PDE4B: variants seen among roughly 807,000 people sequenced by gnomAD.
The protein encoded by PDE4B is 3',5'-cyclic-AMP phosphodiesterase 4B.
PDE4B carries 20 observed loss-of-function variants against 82.2 expected under a neutral mutation model. That is an observed-to-expected ratio of 0.24 (90% confidence interval 0.17 to 0.35). PDE4B has a LOEUF of 0.35. Among genes scored for constraint, PDE4B ranks in the 10% least tolerant of loss-of-function variants. The probability of loss-of-function intolerance (pLI) is 1.00; values close to 1 mark genes in which losing one functional copy is unlikely to be tolerated. For synonymous variants in PDE4B, 320 were observed against 318.9 expected (o/e 1.00, Z -0.04); for missense variants, 655 against 907.2 (o/e 0.72, Z 3.57).
chr1:65,862,383 A>C (rs1646463901), intron 1 of PDE4B, among the ~76,000 whole-genome samples: 1 of 152,222 alleles, frequency 6.6e-6, no homozygotes, highest in Non-Finnish European at 1.5e-5. Context: ...CCAGCCTTGC[A>C]TCCTAGGGAT....
Position 65,968,821 on chromosome 1 carries a change from A to G in PDE4B, c.281+49986A>G, listed in dbSNP as rs151149504. 8.1e-4 allele frequency among the ~76,000 whole-genome samples: 123 copies of G among 152,276 alleles called. 1 individual carries two copies. Among genetic ancestry groups the G allele is most frequent in the African/African-American group, 2.6e-3 (110 of 41,568 alleles). ...CAGAGTAAACTGACCGTTTGAAGGA[A>G]TGCTTCATATAGTGAGTCATATTGT... is the stretch of plus-strand genomic sequence containing the variant. On this transcript the variant is annotated intron_variant, in intron 3 of 16. Coordinates refer to ENST00000341517, the MANE Select transcript of PDE4B (RefSeq NM_002600.4).
intron 3 of PDE4B, among the ~76,000 whole-genome samples, chr1:66,129,608 C>G (rs1298545729): frequency 6.9e-6 from 1 of 145,450 alleles, no homozygotes; most frequent in Non-Finnish European, 1.5e-5. Context: ...TGCAGTGAGC[C>G]GAGATCCCGC....
chr1:66,204,617 G>A (rs1245040362), intron 3 of PDE4B, among the ~76,000 whole-genome samples: 1 of 152,208 alleles, frequency 6.6e-6, no homozygotes, highest in Non-Finnish European at 1.5e-5. Context: ...AGCAATCAAC[G>A]AGACTCCATG....
chr1:65,943,880 A>G (rs1648569675), intron 3 of PDE4B, among the ~76,000 whole-genome samples: 6 of 151,944 alleles, frequency 3.9e-5, no homozygotes, highest in Admixed American at 3.9e-4. Context: ...AGTTCTAATA[A>G]TTTTTTGTGG....
At chr1:66,157,098 C>G (rs765080219) in intron 3 of PDE4B, among the ~76,000 whole-genome samples, 23 of 152,270 alleles carry the variant, frequency 1.5e-4, no homozygotes, top group Non-Finnish European at 2.6e-4. Context: ...CCTGGAGGAC[C>G]CTGCTGTAAT....
intron 3 of PDE4B, among the ~76,000 whole-genome samples, chr1:65,922,661 C>T (rs1464900065): frequency 6.6e-6 from 1 of 152,070 alleles, no homozygotes; most frequent in African/African-American, 2.4e-5. Context: ...TGTAGAAATC[C>T]TACTCACGTG....
chr1:66,015,789 C>T lies in PDE4B; in HGVS notation c.281+96954C>T, dbSNP rs562923348. Among the ~76,000 whole-genome samples, 151 of 149,714 alleles carry T rather than the reference C, an allele frequency of 1.0e-3. 1 individual carries two copies. Among genetic ancestry groups the T allele is most frequent in the Middle Eastern group, 3.4e-3 (1 of 294 alleles). On this transcript the variant is annotated intron_variant, in intron 3 of 16. Coordinates refer to ENST00000341517, the MANE Select transcript of PDE4B (RefSeq NM_002600.4). ...GGGGGGTGTTTGATTAGAACTTCTCCTGGTATAAGGGGAGATTCTCTCAAC... is the reference window on the plus strand; with the variant it reads ...GGGGGGTGTTTGATTAGAACTTCTCTTGGTATAAGGGGAGATTCTCTCAAC...
intron 3 of PDE4B, among the ~76,000 whole-genome samples, chr1:66,083,009 A>G (rs777685801): frequency 2.6e-5 from 4 of 152,090 alleles, no homozygotes; most frequent in Non-Finnish European, 5.9e-5. Context: ...CAAAGAAAGA[A>G]ATATTTTCTT....
chr1:65,807,471 A>G (rs776442499), intron 1 of PDE4B, among the ~76,000 whole-genome samples: 2 of 152,244 alleles, frequency 1.3e-5, no homozygotes, highest in African/African-American at 4.8e-5. Flanking sequence ...TTTAATAAGT[A>G]TCCCAGTATA....
chr1:66,177,709 A>T (rs1327124601), intron 3 of PDE4B, among the ~76,000 whole-genome samples: 1 of 151,934 alleles, frequency 6.6e-6, no homozygotes, highest in Non-Finnish European at 1.5e-5. Context: ...AATAATGCAG[A>T]CTCTGTGACA....
At chr1:65,832,452 A>G (rs1646093812) in intron 1 of PDE4B, among the ~76,000 whole-genome samples, 1 of 152,220 alleles carries the variant, frequency 6.6e-6, no homozygotes, top group Non-Finnish European at 1.5e-5. Context: ...GTCCAGATAA[A>G]CATATGACTC....
At position 65,819,504 on chromosome 1, in the gene PDE4B, G is replaced by GTTT. The variant is rs35338207; in HGVS notation, c.-71+26269_-71+26271dup. Among the ~76,000 whole-genome samples, 6 of 114,172 alleles carry GTTT rather than the reference G, an allele frequency of 5.3e-5. 1 individual carries two copies. The highest frequency in any genetic ancestry group is 9.9e-5 in the Non-Finnish European group (5 of 50,468). The allele number at this position is 114,172 out of a possible 152,430, so 74.9% of individuals were successfully genotyped here. A position where few individuals can be genotyped will look rare whatever the true frequency, so the allele number is the denominator to read the frequency against. On this transcript the variant is annotated intron_variant, in intron 1 of 16. Transcript: ENST00000341517. ...TTATTCTCTTGTTTGTTTTTGTTTTGTTTTTTTTTTTTTTTGAGACAGAGT... is the reference window on the plus strand; with the variant it reads ...TTATTCTCTTGTTTGTTTTTGTTTTGTTTTTTTTTTTTTTTTTTGAGACAGAGT...
intron 6 of PDE4B, among the ~76,000 whole-genome samples, chr1:66,261,425 AATTCATGGAACTCAGAT>A (rs1376522295): frequency 6.6e-6 from 1 of 152,138 alleles, no homozygotes; most frequent in African/African-American, 2.4e-5. Context: ...GAAACTGTAG[AATTCATGGAACTCAGAT>A]ATTCCTTTCT....
intron 3 of PDE4B, among the ~76,000 whole-genome samples, chr1:66,071,047 T>A (rs1482293072): frequency 6.6e-6 from 1 of 152,032 alleles, no homozygotes; most frequent in Non-Finnish European, 1.5e-5. Context: ...ATAATTTTTC[T>A]TAATGAATGT....
chr1:66,105,225 T>C (rs9661502), intron 3 of PDE4B, among the ~76,000 whole-genome samples: 1 of 136,178 alleles, frequency 7.3e-6, no homozygotes, highest in Admixed American at 7.5e-5. Context: ...GTTTTTGTCA[T>C]GTTTGTCAAA....
intron 3 of PDE4B, among the ~76,000 whole-genome samples, chr1:66,175,818 C>T (rs930796113): frequency 2.0e-5 from 3 of 152,198 alleles, no homozygotes; most frequent in African/African-American, 7.2e-5. Flanking sequence ...TATGAATCAT[C>T]ACATATTTGC....
At chr1:65,963,264 C>A (rs1000001548) in intron 3 of PDE4B, among the ~76,000 whole-genome samples, 2 of 152,134 alleles carry the variant, frequency 1.3e-5, no homozygotes, top group African/African-American at 2.4e-5. Context: ...AACAGTAGTG[C>A]GTTTGGCCCT....
chr1:66,184,322 A>G (rs1300727902), intron 3 of PDE4B, among the ~76,000 whole-genome samples: 1 of 152,180 alleles, frequency 6.6e-6, no homozygotes, highest in Non-Finnish European at 1.5e-5. Context: ...AAACAGAATT[A>G]TAGGAATTTA....
At position 66,373,641 on chromosome 1, in the gene PDE4B, C is replaced by T. The variant is rs945238792; in HGVS notation, c.*963C>T. 4 of 152,500 alleles carry T rather than the reference C, an allele frequency of 2.6e-5. No individual in the cohort carries two copies. Among genetic ancestry groups the T allele is most frequent in the African/African-American group, 7.3e-5 (3 of 41,368 alleles). The allele number at this position is 152,500 out of a possible 1,614,324, so 9.4% of individuals were successfully genotyped here. On this transcript the variant is annotated 3_prime_UTR_variant, in exon 17 of 17. Transcript: ENST00000341517. ...TAACACCTCCATTCCTGTTTATAACCGTGTATTTATTACTTAATGTATATA... is the reference window on the plus strand; with the variant it reads ...TAACACCTCCATTCCTGTTTATAACTGTGTATTTATTACTTAATGTATATA...
Sources: gnomAD v4.1 joint callset for allele counts (sites outside exome capture counted in the v4.1 genomes callset) on GRCh38, gnomAD v4.1.1 for gene constraint, MANE v1.5 for transcripts, NCBI Gene and HGNC (gene_info 2026-07-23, HGNC 2026-07-21) for gene names.